Variants in PDE4D observed in about 807,000 individuals in gnomAD.
PDE4D encodes 3',5'-cyclic-AMP phosphodiesterase 4D.
A neutral mutation model predicts 87.4 loss-of-function variants in PDE4D; 24 were observed. That is an observed-to-expected ratio of 0.27 (90% CI 0.20 to 0.39). PDE4D has a LOEUF of 0.39. Among genes scored for constraint, PDE4D ranks in the 10% least tolerant of loss-of-function variants. The probability of loss-of-function intolerance (pLI) is 1.00; values close to 1 mark genes in which losing one functional copy is unlikely to be tolerated. For missense variants in PDE4D, 714 were observed against 1,041.0 expected, an observed-to-expected ratio of 0.69 and a Z score of 4.32; for synonymous variants, 384 against 383.2, an observed-to-expected ratio of 1.00 and a Z score of -0.02.
chr5:59,067,515 G>T (rs886518285), intron 5 of PDE4D, among the ~76,000 whole-genome samples: 1 of 152,100 alleles, frequency 6.6e-6, no homozygotes, highest in Non-Finnish European at 1.5e-5. Flanking sequence ...TAATCTATAT[G>T]ATGGCATTTA....
intron 1 of PDE4D, among the ~76,000 whole-genome samples, chr5:60,265,500 G>C (rs1298694121): frequency 6.6e-6 from 1 of 152,184 alleles, no homozygotes; most frequent in Non-Finnish European, 1.5e-5. Context: ...TGGTCAGGCT[G>C]TCTGATGAGC....
chr5:59,040,285 T>A (rs1185455876), intron 5 of PDE4D, among the ~76,000 whole-genome samples: 3 of 152,082 alleles, frequency 2.0e-5, no homozygotes, highest in Non-Finnish European at 4.4e-5. Context: ...TGTTGTGGGG[T>A]CGGAACGCTT....
chr5:60,303,466 G>A lies in PDE4D; in HGVS notation c.-89-117779C>T, dbSNP rs566859866. Among the ~76,000 whole-genome samples, 891 of 151,994 alleles carry A rather than the reference G, an allele frequency of 5.9e-3. 1 individual carries two copies. The highest frequency in any genetic ancestry group is 0.01 in the Non-Finnish European group (699 of 67,992). On this transcript the variant is annotated intron_variant, in intron 1 of 16. Coordinates refer to the PDE4D transcript ENST00000502484. The stretch of plus-strand genomic sequence containing the variant: ...TGGGACTACAGGCGCGCGCCACCAC[G>A]CCCAGATAATTTTTGTATTTTTAGT...
rs397792795 is a variant in PDE4D at position 60,475,823 on chromosome 5, G to GAAAAAAAA, written c.-90+12111_-90+12118dup. ...ACTTCACTTCTCTCATCTGTTAAAT[G>GAAAAAAAA]AAAAAAAAAAAAAAAAAAAGACAAT... On this transcript the variant is annotated intron_variant, in intron 1 of 16. Transcript: ENST00000502484. 6.3e-4 allele frequency among the ~76,000 whole-genome samples: 60 copies of GAAAAAAAA among 95,044 alleles called. 4 individuals carry two copies. The highest frequency in any genetic ancestry group is 1.9e-3 in the East Asian group (6 of 3,158). 62.4% of individuals were successfully genotyped at this position (95,044 alleles called of 152,430 possible).
chr5:59,402,634 T>C (rs552964135), intron 1 of PDE4D, among the ~76,000 whole-genome samples: 4 of 152,102 alleles, frequency 2.6e-5, no homozygotes, highest in Non-Finnish European at 5.9e-5. Flanking sequence ...AGGACATTTA[T>C]ATCCAGAAAT....
chr5:59,645,132 T>C (rs1001320868), intron 1 of PDE4D, among the ~76,000 whole-genome samples: 4 of 152,084 alleles, frequency 2.6e-5, no homozygotes, highest in Non-Finnish European at 4.4e-5. Context: ...AGGAAAAAAA[T>C]AGAACTATTT....
At position 59,825,650 on chromosome 5, in the gene PDE4D, G is replaced by A. The variant is rs1001608164; in HGVS notation, c.455+67518C>T. On this transcript the variant is annotated intron_variant, in intron 1 of 14. Coordinates refer to ENST00000340635, the MANE Select transcript of PDE4D (RefSeq NM_001104631.2). Reference sequence around the variant, plus strand: ...TTAAGATGCTTCACCTGCTGTGTCCGTTGCCCTGTATCCATCCATAAAGCT... The same window carrying A: ...TTAAGATGCTTCACCTGCTGTGTCCATTGCCCTGTATCCATCCATAAAGCT... Among the ~76,000 whole-genome samples, 9 of 152,276 alleles carry A rather than the reference G, an allele frequency of 5.9e-5. No individual in the cohort carries two copies. In the South Asian group the frequency reaches 8.3e-4, roughly 14 times the overall value.
intron 1 of PDE4D, among the ~76,000 whole-genome samples, chr5:60,260,041 C>T (rs2149701514): frequency 6.6e-6 from 1 of 151,526 alleles, no homozygotes; most frequent in Middle Eastern, 3.4e-3. Context: ...TTTTTTTAAG[C>T]CAAAATATGT....
At chr5:60,045,204 G>A (rs1206946967) in intron 2 of PDE4D, among the ~76,000 whole-genome samples, 1 of 151,812 alleles carries the variant, frequency 6.6e-6, no homozygotes, top group Non-Finnish European at 1.5e-5. Context: ...CTTTTTGATG[G>A]GGTTGTTTGT....
chr5:60,399,494 A>G (rs905050396), intron 1 of PDE4D, among the ~76,000 whole-genome samples: 2 of 152,234 alleles, frequency 1.3e-5, no homozygotes, highest in Admixed American at 6.5e-5. Context: ...CCCTTCCATT[A>G]CAGCAGTCAA....
chr5:59,079,993 T>C (rs182906633), intron 5 of PDE4D, among the ~76,000 whole-genome samples: 1 of 152,098 alleles, frequency 6.6e-6, no homozygotes, highest in Admixed American at 6.5e-5. Flanking sequence ...TGGCTTCCAC[T>C]AGTACAACTT....
chr5:60,403,591 C>A (rs1368422561), intron 1 of PDE4D, among the ~76,000 whole-genome samples: 2 of 152,228 alleles, frequency 1.3e-5, no homozygotes, highest in Non-Finnish European at 1.5e-5. Flanking sequence ...CTGACTTAAT[C>A]ATCACAACAA....
At chr5:58,999,742 G>A in intron 6 of PDE4D, 1 of 1,048,980 alleles carries the variant, frequency 9.5e-7, no homozygotes, top group Non-Finnish European at 1.1e-6. Context: ...CATGCCATTT[G>A]TAAGACTCCA....
intron 1 of PDE4D, among the ~76,000 whole-genome samples, chr5:59,342,585 GAC>G (rs796541841): frequency 1.3e-5 from 2 of 152,064 alleles, no homozygotes; most frequent in African/African-American, 4.8e-5. Flanking sequence ...GGAGGAATGG[GAC>G]AGAGTTTAAA....
chr5:60,109,731 AATC>A (rs1777468569), intron 2 of PDE4D, among the ~76,000 whole-genome samples: 1 of 152,226 alleles, frequency 6.6e-6, no homozygotes, highest in African/African-American at 2.4e-5. Context: ...TGAAATTGGA[AATC>A]ATCATTCTCA....
intron 1 of PDE4D, among the ~76,000 whole-genome samples, chr5:60,445,412 T>C (rs1177192918): frequency 1.3e-5 from 2 of 152,184 alleles, no homozygotes; most frequent in Non-Finnish European, 1.5e-5. Context: ...ATTATTCCAC[T>C]GGCAAGTGGA....
chr5:59,001,762 CTT>C (rs1724356061), intron 6 of PDE4D, among the ~76,000 whole-genome samples: 1 of 152,206 alleles, frequency 6.6e-6, no homozygotes, highest in South Asian at 2.1e-4. Context: ...TCACGACAAA[CTT>C]TTTCAAAACT....
intron 2 of PDE4D, among the ~76,000 whole-genome samples, chr5:59,194,211 C>T (rs1168263411): frequency 6.6e-6 from 1 of 152,188 alleles, no homozygotes; most frequent in Non-Finnish European, 1.5e-5. Flanking sequence ...GAAAGTTGTG[C>T]AACATTCCAG....
At position 59,926,739 on chromosome 5, in the gene PDE4D, A is replaced by G. The variant is rs562382885; in HGVS notation, c.272+61749T>C. On this transcript the variant is annotated intron_variant, in intron 3 of 16. Coordinates refer to the PDE4D transcript ENST00000502484. ...ATTAGAAGTATCATTAGAGGCTACT[A>G]TAAGCAACTACATGGCAGTAAATTG... Among the ~76,000 whole-genome samples, 5 of 152,316 alleles carry G rather than the reference A, an allele frequency of 3.3e-5. No homozygotes were observed. In the South Asian group the frequency reaches 8.3e-4, roughly 25 times the overall value.
Sources: gnomAD v4.1 joint callset for allele counts (sites outside exome capture counted in the v4.1 genomes callset) on GRCh38, gnomAD v4.1.1 for gene constraint, MANE v1.5 for transcripts, NCBI Gene and HGNC (gene_info 2026-07-23, HGNC 2026-07-21) for gene names.